The following LGR6 variants were observed in gnomAD, a reference collection of about 807,000 sequenced individuals.
LGR6 encodes leucine-rich repeat-containing G protein-coupled receptor 6.
Under a neutral mutation model 69.4 loss-of-function variants are expected in LGR6, and 45 were observed. The observed-to-expected ratio is 0.65, with a 90% CI of 0.51 to 0.83. LGR6 has a LOEUF of 0.83. Ranked by LOEUF, LGR6 falls within the 40% of genes least tolerant of loss-of-function variation. The pLI is 0.00. For missense variants in LGR6, 1,108 were observed against 1,246.7 expected (o/e 0.89, Z 1.68); for synonymous variants, 538 against 555.0 (o/e 0.97, Z 0.43).
intron 4 of LGR6, among the ~76,000 whole-genome samples, chr1:202,253,034 C>G (rs1663402983): frequency 6.6e-6 from 1 of 152,202 alleles, no homozygotes; most frequent in African/African-American, 2.4e-5. Context: ...CAGACTGTGG[C>G]AGCCCAAATA....
chr1:202,240,006 C>G (rs1291317500), intron 4 of LGR6, among the ~76,000 whole-genome samples: 4 of 152,138 alleles, frequency 2.6e-5, no homozygotes, highest in African/African-American at 7.2e-5. Context: ...AGAAGTTGAG[C>G]TGACACCCAG....
intron 4 of LGR6, among the ~76,000 whole-genome samples, chr1:202,256,766 A>G (rs758978824): frequency 2.0e-5 from 3 of 152,212 alleles, no homozygotes; most frequent in Non-Finnish European, 4.4e-5. Flanking sequence ...TAGAAACTCT[A>G]TGTAAAACTT....
chr1:202,252,391 G>A (rs561921815), intron 4 of LGR6, among the ~76,000 whole-genome samples: 6 of 152,168 alleles, frequency 3.9e-5, no homozygotes, highest in Non-Finnish European at 7.3e-5. Flanking sequence ...GGCCTGCTGG[G>A]GAACACTAAA....
chr1:202,198,679 T>G (rs148104788), intron 1 of LGR6, among the ~76,000 whole-genome samples: 85,935 of 132,116 alleles, frequency 0.65, 25,319 homozygotes, highest in South Asian at 0.78. Flanking sequence ...TTTTTTTTTT[T>G]TTTTTTTTTT....
At chr1:202,270,264 C>T (rs1339157631) in intron 4 of LGR6, among the ~76,000 whole-genome samples, 4 of 148,272 alleles carry the variant, frequency 2.7e-5, no homozygotes, top group South Asian at 2.2e-4. Context: ...TTTTTTGAGA[C>T]AGAGTTTTGC....
intron 1 of LGR6, chr1:202,194,507 G>A (rs1342105180): frequency 1.5e-6 from 1 of 658,376 alleles, no homozygotes; most frequent in African/African-American, 1.8e-5. Context: ...GAGGGCGCGG[G>A]GCTGGCTGCT....
At chr1:202,194,523 T>G (rs1283267337) in intron 1 of LGR6, 5 of 635,316 alleles carry the variant, frequency 7.9e-6, no homozygotes, top group South Asian at 7.1e-5. Flanking sequence ...CTGCTCCATC[T>G]CCTGTTGCTG....
chr1:202,280,883 C>CAAA (rs1411718687), intron 6 of LGR6, 31 bp downstream of exon 6: 3 of 1,591,334 alleles, frequency 1.9e-6, no homozygotes, highest in Non-Finnish European at 2.6e-6. Context: ...CAAACTCTGT[C>CAAA]CTGCCTGGTG....
intron 16 of LGR6, among the ~76,000 whole-genome samples, chr1:202,313,576 T>C (rs1415707336): frequency 6.6e-6 from 1 of 152,120 alleles, no homozygotes; most frequent in Non-Finnish European, 1.5e-5. Flanking sequence ...GTCACCTGCC[T>C]CACATGGATG....
intron 4 of LGR6, among the ~76,000 whole-genome samples, chr1:202,237,161 T>TCCC (rs1329743382): frequency 6.6e-6 from 1 of 152,152 alleles, no homozygotes; most frequent in African/African-American, 2.4e-5. Flanking sequence ...AGAACCTGCC[T>TCCC]CCCTGCACTC....
chr1:202,318,860 T>C lies in LGR6; in HGVS notation c.2557T>C (p.Tyr853His). ...CGCAGGGGACTCAGGGCCCCTAGCC[T>C]ATGCTGCGGCCGGGGAGCTGGAGAA... ...PRAGDSGPLA[Y>H]AAAGELEKSS... is the part of the protein sequence containing the mutation. The change falls in exon 18 of 18, where the codon TAT (tyrosine) becomes CAT (histidine). Residue 853 changes from tyrosine (Y) to histidine (H), a missense_variant. Coordinates refer to ENST00000367278, the MANE Select transcript of LGR6 (RefSeq NM_001017403.2). 2 of 1,613,744 alleles carry C rather than the reference T, an allele frequency of 1.2e-6. No individual in the cohort carries two copies. Among genetic ancestry groups the C allele is most frequent in the Non-Finnish European group, 1.7e-6 (2 of 1,179,872 alleles).
rs1187263505 is a variant in LGR6, at chr1:202,310,228, T to A, written c.1438T>A (p.Cys480Ser). The A allele has an allele frequency of 1.2e-6, 2 of 1,614,018 alleles. No homozygotes were observed. The highest frequency in any genetic ancestry group is 1.3e-5 in the African/African-American group (1 of 74,908). Reference sequence around the variant, plus strand: ...GGAGGTGCCTTATGCCTACCAGTGCTGTCCCTATGGGATGTGTGCCAGCTT... The same window carrying A: ...GGAGGTGCCTTATGCCTACCAGTGCAGTCCCTATGGGATGTGTGCCAGCTT... ...ILEVPYAYQCCPYGMCASFFK... is the reference protein window; with the variant it reads ...ILEVPYAYQCSPYGMCASFFK... The change falls in exon 16 of 18, where the codon TGT (cysteine) becomes AGT (serine). Residue 480 changes from cysteine (C) to serine (S), a missense_variant. Physicochemically the swap from Cys to Ser is moderately radical, Grantham distance 112. Transcript: ENST00000367278.
chr1:202,303,619 G>A (rs1667766768), intron 10 of LGR6, among the ~76,000 whole-genome samples: 1 of 152,202 alleles, frequency 6.6e-6, no homozygotes, highest in Non-Finnish European at 1.5e-5. Flanking sequence ...CTAACCCCAA[G>A]CCACAGGTAC....
At chr1:202,241,792 C>T (rs759057336) in intron 4 of LGR6, among the ~76,000 whole-genome samples, 5 of 151,716 alleles carry the variant, frequency 3.3e-5, no homozygotes, top group Non-Finnish European at 5.9e-5. Flanking sequence ...AGTGGCAAGA[C>T]TAAAGGGGAG....
At position 202,219,882 on chromosome 1, in the gene LGR6, A is replaced by T. The variant is rs543897076; in HGVS notation, c.213-5541A>T. Among the ~76,000 whole-genome samples the T allele has an allele frequency of 2.2e-3, 327 of 152,070 alleles. 1 individual carries two copies. The highest frequency in any genetic ancestry group is 6.7e-3 in the African/African-American group (276 of 41,482). On this transcript the variant is annotated intron_variant, in intron 1 of 17. Transcript: ENST00000367278. Reference sequence around the variant, plus strand: ...TGGGTTTTATTTATTTATTTATTTTATTTATTTTTTTTGAGACAGTTTCAT... The same window carrying T: ...TGGGTTTTATTTATTTATTTATTTTTTTTATTTTTTTTGAGACAGTTTCAT...
At chr1:202,262,432 T>C (rs1389523033) in intron 4 of LGR6, among the ~76,000 whole-genome samples, 2 of 152,154 alleles carry the variant, frequency 1.3e-5, no homozygotes, top group Non-Finnish European at 2.9e-5. Flanking sequence ...GGCTCTGTTC[T>C]GTTCCATTGA....
chr1:202,316,407 C>T (rs1654147663), intron 17 of LGR6, among the ~76,000 whole-genome samples: 1 of 152,176 alleles, frequency 6.6e-6, no homozygotes. Flanking sequence ...AACTCACTCA[C>T]CCTCACAGAA....
At chr1:202,204,799 CCTA>C (rs1558004183) in intron 1 of LGR6, among the ~76,000 whole-genome samples, 1 of 3,190 alleles carries the variant, frequency 3.1e-4, no homozygotes, top group Non-Finnish European at 5.5e-4. Flanking sequence ...TCCACACACA[CCTA>C]ACACACACTT....
rs767676099 is a variant in LGR6 at position 202,309,183 on chromosome 1, G to C, written c.1406+7G>C. 2.2e-5 allele frequency: 36 copies of C among 1,613,676 alleles called. No homozygotes were observed. Among genetic ancestry groups the C allele is most frequent in the Non-Finnish European group, 2.8e-5 (33 of 1,179,818 alleles). On this transcript the variant is annotated splice_region_variant and intron_variant, in intron 15 of 17. Transcript: ENST00000367278. ...ACAGTTTCCCAAAACTGAGGTGAGG[G>C]ACTGGCTTTCCCCAACACCTGGGTA...
Sources: allele counts gnomAD v4.1 joint callset (sites outside exome capture counted in the v4.1 genomes callset), GRCh38; gene constraint gnomAD v4.1.1; transcripts MANE v1.5; gene names NCBI Gene and HGNC (gene_info 2026-07-23, HGNC 2026-07-21).